CD151: variants seen among roughly 807,000 people sequenced by gnomAD.
CD151 encodes CD151 antigen.
In CD151, 20 loss-of-function variants were observed where a neutral mutation model predicts 34.2. That is an observed-to-expected ratio of 0.58 (90% CI 0.41 to 0.85). CD151 has a LOEUF of 0.85. Ranked by LOEUF, CD151 falls within the 40% of genes least tolerant of loss-of-function variation. The probability of loss-of-function intolerance (pLI) is 0.00; values close to 1 mark genes in which losing one functional copy is unlikely to be tolerated. For missense variants in CD151, 306 were observed against 324.5 expected, an observed-to-expected ratio of 0.94 and a Z score of 0.44; for synonymous variants, 157 against 131.7, an observed-to-expected ratio of 1.19 and a Z score of -1.32.
Position 838,162 on chromosome 11 carries a change from G to C in CD151, c.732G>C (p.Leu244=). 6.2e-7 allele frequency: 1 copy of C among 1,613,272 alleles called. No individual in the cohort carries two copies. The highest frequency in any genetic ancestry group is 8.5e-7 in the Non-Finnish European group (1 of 1,179,900). The change falls in exon 9 of 9, where the codon CTG becomes CTC. Residue 244 remains leucine (L), a synonymous_variant. Transcript: ENST00000397420. ...TTGGCATGATCTTCACGTGCTGCCT[G>C]TACAGGAGTCTCAAGCTGGAGCACT... ...QVFGMIFTCC[L]YRSLKLEHY is the part of the protein sequence containing the mutation.
At chr11:836,602 A>G (rs1392676403) in intron 4 of CD151, 160 bp downstream of exon 4, 2 of 838,594 alleles carry the variant, frequency 2.4e-6, no homozygotes, top group East Asian at 2.7e-5. Flanking sequence ...TTCCTGCTGG[A>G]CCAGCTGAGG....
rs1028566137 is a variant in CD151 at position 838,495 on chromosome 11, G to C, written c.*303G>C. On this transcript the variant is annotated 3_prime_UTR_variant, in exon 9 of 9. Coordinates refer to ENST00000397420, the MANE Select transcript of CD151 (RefSeq NM_004357.5). ...AGTGGCGCAAGGCCGAGCGTTCCCA[G>C]CAGGGGGAGAAACCCTTCACACCCC... 3 of 528,130 alleles carry C rather than the reference G, an allele frequency of 5.7e-6. No homozygotes were observed. The African/African-American group carries it at 5.7e-5, about 10-fold the overall frequency. The allele number at this position is 528,130 out of a possible 1,614,324, so 32.7% of individuals were successfully genotyped here.
At chr11:837,087 C>A in intron 5 of CD151, 163 bp from the exon 6 acceptor site, 1 of 675,348 alleles carries the variant, frequency 1.5e-6, no homozygotes, top group Non-Finnish European at 2.7e-6. Flanking sequence ...TGGTGACGGT[C>A]CTGGCACCAC....
In CD151 at chr11:838,262, C is replaced by T; in HGVS notation, c.*70C>T. The T allele has an allele frequency of 1.5e-6, 2 of 1,323,752 alleles. No individual in the cohort carries two copies. Among genetic ancestry groups the T allele is most frequent in the Non-Finnish European group, 2.2e-6 (2 of 918,674 alleles). The allele number at this position is 1,323,752 out of a possible 1,614,324, so 82.0% of individuals were successfully genotyped here. On this transcript the variant is annotated 3_prime_UTR_variant, in exon 9 of 9. Coordinates refer to ENST00000397420, the MANE Select transcript of CD151 (RefSeq NM_004357.5). ...AGACCACTGAGTACCAGGGGCTGGG[C>T]TCCCTGATGACACCCACCCTGTGCC... is the stretch of plus-strand genomic sequence containing the variant.
rs984380423 is a variant in CD151 at position 838,509 on chromosome 11, C to T, written c.*317C>T. 1 of 499,858 alleles carries T rather than the reference C, an allele frequency of 2.0e-6. No individual in the cohort carries two copies. Among genetic ancestry groups the T allele is most frequent in the Admixed American group, 3.6e-5 (1 of 27,588 alleles). 31.0% of individuals were successfully genotyped at this position (499,858 alleles called of 1,614,324 possible). ...GAGCGTTCCCAGCAGGGGGAGAAAC[C>T]CTTCACACCCCAGGCCCTTCAGGAA... On this transcript the variant is annotated 3_prime_UTR_variant, in exon 9 of 9. Transcript: ENST00000397420.
intron 1 of CD151, among the ~76,000 whole-genome samples, 174 bp downstream of exon 1, chr11:833,200 GC>G (rs767710134): frequency 0.66 from 99,801 of 150,992 alleles, 33,740 homozygotes; most frequent in East Asian, 0.9. Flanking sequence ...GCCTGGCCCA[GC>G]TCCCTCGCCT....
intron 6 of CD151, 26 bp from the exon 7 acceptor site, chr11:837,433 TC>T (rs1565118611): frequency 6.2e-7 from 1 of 1,612,030 alleles, no homozygotes; most frequent in Non-Finnish European, 8.5e-7. Context: ...GCCCCAGGTC[TC>T]AACCCCAGCC....
Position 837,309 on chromosome 11 carries a change from G to T in CD151, c.411G>T (p.Pro137=), listed in dbSNP as rs202233428. Residue 137 remains proline, a synonymous_variant, in exon 6 of 9, where the codon CCG becomes CCT. Coordinates refer to ENST00000397420, the MANE Select transcript of CD151 (RefSeq NM_004357.5). ...KDTMTKRYHQ[P]GHEAVTSAVD... is the part of the protein sequence containing the mutation. ...CCATGACCAAGCGCTACCACCAGCC[G>T]GGCCATGAGGCTGTGACCAGCGCTG... 1.2e-6 allele frequency: 2 copies of T among 1,613,012 alleles called. No individual in the cohort carries two copies. Among genetic ancestry groups the T allele is most frequent in the East Asian group, 2.2e-5 (1 of 44,868 alleles).
chr11:836,399 G>T lies in CD151; in HGVS notation c.233G>T (p.Gly78Val). 1 of 1,611,930 alleles carries T rather than the reference G, an allele frequency of 6.2e-7. No individual in the cohort carries two copies. The highest frequency in any genetic ancestry group is 8.5e-7 in the Non-Finnish European group (1 of 1,179,844). Residue 78 changes from glycine to valine, a missense_variant, in exon 4 of 9, where the codon GGC (glycine) becomes GTC (valine). Coordinates refer to ENST00000397420, the MANE Select transcript of CD151 (RefSeq NM_004357.5). ...GTVVMVTGVL[G>V]CCATFKERRN... The stretch of plus-strand genomic sequence containing the variant: ...GTCGTCATGGTGACTGGGGTCTTGG[G>T]CTGCTGCGCCACCTTCAAGGAGCGT...
rs71022979 is a variant in CD151, at chr11:832,982, AGCT to A, written c.-108_-106del. ...CAGCGCTGGGAGCCGCCGCCCCCGC[AGCT>A]GCTGCCGCCGCCGCCAGGGCCCGGA... On this transcript the variant is annotated 5_prime_UTR_variant, in exon 1 of 9. Coordinates refer to ENST00000397420, the MANE Select transcript of CD151 (RefSeq NM_004357.5). 106,873 of 151,308 alleles carry A rather than the reference AGCT, an allele frequency of 0.71. 38,457 individuals carry two copies. The highest frequency in any genetic ancestry group is 0.9 in the East Asian group (4,640 of 5,148). The allele number at this position is 151,308 out of a possible 1,614,324, so 9.4% of individuals were successfully genotyped here.
chr11:835,775 C>G (rs1846740110), intron 2 of CD151: 1 of 355,414 alleles, frequency 2.8e-6, no homozygotes, highest in Non-Finnish European at 5.3e-6. Context: ...GCAAGCTTCG[C>G]CTCCCGGGTT....
Position 837,930 on chromosome 11 carries a change from C to A in CD151, c.616-12C>A. The stretch of plus-strand genomic sequence containing the variant: ...CCTGGGCCCGCCTTCAACACCCATC[C>A]GCGCCCCGCAGGGCGGCTGCATCAC... On this transcript the variant is annotated splice_polypyrimidine_tract_variant and intron_variant, in intron 7 of 8. Coordinates refer to ENST00000397420, the MANE Select transcript of CD151 (RefSeq NM_004357.5). 1 of 1,605,622 alleles carries A rather than the reference C, an allele frequency of 6.2e-7. No individual in the cohort carries two copies. Among genetic ancestry groups the A allele is most frequent in the Non-Finnish European group, 8.5e-7 (1 of 1,175,160 alleles).
rs527764114 is a variant in CD151 at position 838,299 on chromosome 11, C to T, written c.*107C>T. The T allele has an allele frequency of 1.9e-4, 174 of 914,052 alleles. 1 individual carries two copies. In the Admixed American group the frequency reaches 3.3e-3, roughly 17 times the overall value. 56.6% of individuals were successfully genotyped at this position (914,052 alleles called of 1,614,324 possible). On this transcript the variant is annotated 3_prime_UTR_variant, in exon 9 of 9. Transcript: ENST00000397420. ...ACCCACCCTGTGCCATCACCATAACCTCTGGGGACCCCAACCTCAGAGGCA... is the reference window on the plus strand; with the variant it reads ...ACCCACCCTGTGCCATCACCATAACTTCTGGGGACCCCAACCTCAGAGGCA...
chr11:836,571 C>G, intron 4 of CD151, 129 bp downstream of exon 4: 3 of 846,208 alleles, frequency 3.5e-6, no homozygotes, highest in Non-Finnish European at 5.5e-6. Flanking sequence ...CCACACCTGC[C>G]TAGTCCTGTG....
intron 1 of CD151, among the ~76,000 whole-genome samples, chr11:833,422 G>A (rs1470672548): frequency 6.6e-6 from 1 of 152,220 alleles, no homozygotes; most frequent in African/African-American, 2.4e-5. Flanking sequence ...CCGCCCGCGT[G>A]CAAGTGGGCG....
At chr11:837,807 GCTGGCTGAGCTGTTGGTGGC>G in intron 7 of CD151, 115 bp from the exon 8 acceptor site, 1 of 851,498 alleles carries the variant, frequency 1.2e-6, no homozygotes, top group Non-Finnish European at 1.8e-6. Flanking sequence ...CAGCCCAGTG[GCTGGCTGAGCTGTTGGTGGC>G]CTGGCTGCCT....
rs918074521 is a variant in CD151 at position 836,543 on chromosome 11, G to C, written c.276+101G>C. Reference sequence around the variant, plus strand: ...CTGTGCCTTGCTGTGCTCACCTGGGGGGGGGGTCACGGTCCTTCCACACCT... The same window carrying C: ...CTGTGCCTTGCTGTGCTCACCTGGGCGGGGGGTCACGGTCCTTCCACACCT... On this transcript the variant is annotated intron_variant, in intron 4 of 8. Coordinates refer to ENST00000397420, the MANE Select transcript of CD151 (RefSeq NM_004357.5). The C allele has an allele frequency of 1.3e-4, 126 of 942,228 alleles. 1 individual carries two copies. In the Middle Eastern group the frequency reaches 1.9e-3, roughly 15 times the overall value. The allele number at this position is 942,228 out of a possible 1,614,324, so 58.4% of individuals were successfully genotyped here. A position where few individuals can be genotyped will look rare whatever the true frequency, so the allele number is the denominator to read the frequency against.
At chr11:835,363 T>G (rs969198887) in intron 2 of CD151, 1 of 152,346 alleles carries the variant, frequency 6.6e-6, no homozygotes, top group Non-Finnish European at 1.5e-5. Flanking sequence ...TTTATTGAGA[T>G]GGAGTCTCAC....
Position 838,245 on chromosome 11 carries a change from G to A in CD151, c.*53G>A. 1 of 1,480,952 alleles carries A rather than the reference G, an allele frequency of 6.8e-7. No individual in the cohort carries two copies. The highest frequency in any genetic ancestry group is 9.4e-7 in the Non-Finnish European group (1 of 1,060,394). 91.7% of individuals were successfully genotyped at this position (1,480,952 alleles called of 1,614,324 possible). On this transcript the variant is annotated 3_prime_UTR_variant, in exon 9 of 9. Coordinates refer to ENST00000397420, the MANE Select transcript of CD151 (RefSeq NM_004357.5). ...ACCCAACTACTGAGCTGAGACCACT[G>A]AGTACCAGGGGCTGGGCTCCCTGAT...
Sources: allele counts gnomAD v4.1 joint callset (sites outside exome capture counted in the v4.1 genomes callset), GRCh38; gene constraint gnomAD v4.1.1; transcripts MANE v1.5; gene names NCBI Gene and HGNC (gene_info 2026-07-23, HGNC 2026-07-21).